Variants in PSMD12 observed in about 807,000 individuals in gnomAD.
The protein encoded by PSMD12 is 26S proteasome non-ATPase regulatory subunit 12.
Under a neutral mutation model 62.9 loss-of-function variants are expected in PSMD12, and 8 were observed. The ratio of observed to expected loss-of-function variants is 0.13; its 90% CI spans 0.07 to 0.23. PSMD12 has a LOEUF of 0.23. Among genes scored for constraint, PSMD12 ranks in the 10% least tolerant of loss-of-function variants. PSMD12 has a pLI of 1.00. For missense variants in PSMD12, 424 were observed against 550.2 expected (o/e 0.77, Z 2.29); for synonymous variants, 173 against 187.4 (o/e 0.92, Z 0.63).
Position 67,348,575 on chromosome 17 carries a change from G to A in PSMD12, c.485C>T (p.Ala162Val). ...CTGTAACTCCTGTAAAATGGAGGCT[G>A]CCTCTTTCACATCACCATTTTGTTC... is the stretch of plus-strand genomic sequence containing the variant. ...IKEQNGDVKE[A>V]ASILQELQVE... is the part of the protein sequence containing the mutation. The change falls in exon 5 of 11, where the codon GCA (alanine) becomes GTA (valine). Residue 162 changes from alanine to valine, a missense_variant. Physicochemically the swap from Ala to Val is moderately conservative, Grantham distance 64 (BLOSUM62 0). Coordinates refer to ENST00000356126, the MANE Select transcript of PSMD12 (RefSeq NM_002816.5). The A allele has an allele frequency of 6.2e-7, 1 of 1,613,628 alleles. No individual in the cohort carries two copies. The highest frequency in any genetic ancestry group is 8.5e-7 in the Non-Finnish European group (1 of 1,179,794).
chr17:67,338,406 T>C lies in PSMD12; in HGVS notation c.*2437A>G, dbSNP rs142144011. 10 of 152,354 alleles carry C rather than the reference T, an allele frequency of 6.6e-5. No individual in the cohort carries two copies. Among genetic ancestry groups the C allele is most frequent in the African/African-American group, 2.4e-4 (10 of 41,588 alleles). The allele number at this position is 152,354 out of a possible 1,614,324, so 9.4% of individuals were successfully genotyped here. On this transcript the variant is annotated 3_prime_UTR_variant, in exon 11 of 11. Coordinates refer to ENST00000356126, the MANE Select transcript of PSMD12 (RefSeq NM_002816.5). ...TTGTAATACTAAGAAAATAAATTGG[T>C]AAATACCTCATATATTTGCTGGATT...
Position 67,350,273 on chromosome 17 carries a change from T to G in PSMD12, c.361A>C (p.Lys121Gln), listed in dbSNP as rs2042005127. The stretch of plus-strand genomic sequence containing the variant: ...CGTAGAGTATCAATTAATCGAAGTT[T>G]GATAGGAAGGTCTGTGATTTCCTCA... ...YVEEITDLPI[K>Q]LRLIDTLRMV... Residue 121 changes from lysine (K) to glutamine (Q), a missense_variant, in exon 4 of 11, where the codon AAA becomes CAA. Physicochemically the swap from Lys to Gln is moderately conservative, Grantham distance 53 (BLOSUM62 1). Coordinates refer to ENST00000356126, the MANE Select transcript of PSMD12 (RefSeq NM_002816.5). 1 of 1,613,214 alleles carries G rather than the reference T, an allele frequency of 6.2e-7. No homozygotes were observed. The highest frequency in any genetic ancestry group is 1.7e-5 in the Admixed American group (1 of 59,824).
intron 4 of PSMD12, among the ~76,000 whole-genome samples, chr17:67,349,950 G>A (rs753854356): frequency 1.6e-4 from 24 of 151,968 alleles, no homozygotes; most frequent in Admixed American, 6.6e-4. Flanking sequence ...TGACCCTGTA[G>A]AATTTTTATT....
At chr17:67,360,938 T>C (rs2042122906) in intron 1 of PSMD12, among the ~76,000 whole-genome samples, 1 of 152,206 alleles carries the variant, frequency 6.6e-6, no homozygotes, top group South Asian at 2.1e-4. Context: ...AATTTTCAAA[T>C]CATCCCCCTT....
At chr17:67,346,038 T>C (rs952367904) in intron 7 of PSMD12, among the ~76,000 whole-genome samples, 181 bp from the exon 8 acceptor site, 1 of 151,772 alleles carries the variant, frequency 6.6e-6, no homozygotes, top group Non-Finnish European at 1.5e-5. Flanking sequence ...TCTCCTGAGG[T>C]CAGATCGAGG....
At chr17:67,354,683 A>G (rs1239443838) in intron 3 of PSMD12, among the ~76,000 whole-genome samples, 1 of 152,112 alleles carries the variant, frequency 6.6e-6, no homozygotes, top group Non-Finnish European at 1.5e-5. Flanking sequence ...CTGGGCACCA[A>G]AAGGCACATT....
In PSMD12 at chr17:67,338,003, A is replaced by G. The variant is rs2041874801; in HGVS notation, c.*2840T>C. On this transcript the variant is annotated 3_prime_UTR_variant, in exon 11 of 11. Coordinates refer to ENST00000356126, the MANE Select transcript of PSMD12 (RefSeq NM_002816.5). ...TATTGCTGCTATATCCAAGAGCTGAAAACAATTTAAAATATGTACTTTTAT... is the reference window on the plus strand; with the variant it reads ...TATTGCTGCTATATCCAAGAGCTGAGAACAATTTAAAATATGTACTTTTAT... The G allele has an allele frequency of 6.6e-6, 1 of 152,230 alleles. No homozygotes were observed. Among genetic ancestry groups the G allele is most frequent in the Non-Finnish European group, 1.5e-5 (1 of 68,038 alleles). 9.4% of individuals were successfully genotyped at this position (152,230 alleles called of 1,614,324 possible).
Position 67,350,346 on chromosome 17 carries a change from T to C in PSMD12, c.298-10A>G, listed in dbSNP as rs377273892. 1 of 1,561,818 alleles carries C rather than the reference T, an allele frequency of 6.4e-7. No homozygotes were observed. The highest frequency in any genetic ancestry group is 1.4e-5 in the African/African-American group (1 of 73,074). Reference sequence around the variant, plus strand: ...CCATTTTGGCAACAGCCTAAAATATTAAAAACCATTCATAAGTAAAATACA... The same window carrying C: ...CCATTTTGGCAACAGCCTAAAATATCAAAAACCATTCATAAGTAAAATACA... On this transcript the variant is annotated splice_polypyrimidine_tract_variant and intron_variant, in intron 3 of 10. Transcript: ENST00000356126.
rs758126685 is a variant in PSMD12 at position 67,338,044 on chromosome 17, C to G, written c.*2799G>C. 7.9e-5 allele frequency: 12 copies of G among 152,038 alleles called. No individual in the cohort carries two copies. The highest frequency in any genetic ancestry group is 1.2e-4 in the Non-Finnish European group (8 of 68,016). 9.4% of individuals were successfully genotyped at this position (152,038 alleles called of 1,614,324 possible). A position where few individuals can be genotyped will look rare whatever the true frequency, so the allele number is the denominator to read the frequency against. On this transcript the variant is annotated 3_prime_UTR_variant, in exon 11 of 11. Coordinates refer to ENST00000356126, the MANE Select transcript of PSMD12 (RefSeq NM_002816.5). ...GTACTTTTATCACATTTAACACTTA[C>G]AAGAGAGAAAATGGAACTGTTTGAA...
chr17:67,345,628 G>T, intron 8 of PSMD12, 117 bp downstream of exon 8: 1 of 821,076 alleles, frequency 1.2e-6, no homozygotes, highest in Non-Finnish European at 2.0e-6. Flanking sequence ...GGCAACAATA[G>T]TAAAACTCCA....
intron 1 of PSMD12, among the ~76,000 whole-genome samples, chr17:67,361,565 G>C (rs190745674): frequency 6.6e-6 from 1 of 152,128 alleles, no homozygotes; most frequent in Admixed American, 6.5e-5. Context: ...CTGGGTGAAA[G>C]AGCGAAACTC....
chr17:67,361,472 C>T (rs2042126978), intron 1 of PSMD12, among the ~76,000 whole-genome samples: 1 of 152,096 alleles, frequency 6.6e-6, no homozygotes, highest in Admixed American at 6.5e-5. Flanking sequence ...ATCCCAACTA[C>T]TTGGGAGGCT....
chr17:67,366,476 T>G lies in PSMD12; in HGVS notation c.44A>C (p.Lys15Thr). ...GSERADGRIV[K>T]MEVDYSATVD... ...CGTGGCGCTGTAGTCCACCTCCATC[T>G]TGACGATGCGCCCGTCAGCCCGCTC... The change falls in exon 1 of 11, where the codon AAG becomes ACG. Residue 15 changes from lysine to threonine, a missense_variant. Transcript: ENST00000356126. The G allele has an allele frequency of 1.9e-6, 3 of 1,611,478 alleles. No individual in the cohort carries two copies. The highest frequency in any genetic ancestry group is 1.1e-5 in the South Asian group (1 of 91,048).
chr17:67,360,059 TC>T, intron 1 of PSMD12, among the ~76,000 whole-genome samples: 1 of 152,164 alleles, frequency 6.6e-6, no homozygotes, highest in African/African-American at 2.4e-5. Context: ...GCTCCAAAGC[TC>T]TCTCCACTAG....
At chr17:67,362,870 A>C (rs1288105440) in intron 1 of PSMD12, 2 of 152,174 alleles carry the variant, frequency 1.3e-5, no homozygotes, top group African/African-American at 4.8e-5. Context: ...GTAAGATTTA[A>C]ATCAATACCT....
rs369531462 is a variant in PSMD12 at position 67,345,829 on chromosome 17, A to G, written c.824T>C (p.Ile275Thr). 1 of 1,613,600 alleles carries G rather than the reference A, an allele frequency of 6.2e-7. No individual in the cohort carries two copies. Among genetic ancestry groups the G allele is most frequent in the Non-Finnish European group, 8.5e-7 (1 of 1,179,628 alleles). The change falls in exon 8 of 11, where the codon ATC (isoleucine) becomes ACC (threonine). Residue 275 changes from isoleucine to threonine, a missense_variant. Physicochemically the swap from Ile to Thr is moderately conservative, Grantham distance 89. Coordinates refer to ENST00000356126, the MANE Select transcript of PSMD12 (RefSeq NM_002816.5). ...CTGTTCATTGTCAAAAGGAGCCAGG[A>G]TAACATAGAGTACAACACTCTTCAG... ...QALKSVVLYVILAPFDNEQSD... is the reference protein window; with the variant it reads ...QALKSVVLYVTLAPFDNEQSD...
At chr17:67,344,814 T>C (rs754571769) in intron 8 of PSMD12, 34 bp from the exon 9 acceptor site, 1 of 1,459,528 alleles carries the variant, frequency 6.9e-7, no homozygotes, top group Non-Finnish European at 9.2e-7. Context: ...ATTCCAAATC[T>C]GTAAAAATTA....
intron 3 of PSMD12, among the ~76,000 whole-genome samples, chr17:67,353,273 G>C (rs1042744991): frequency 3.3e-5 from 5 of 151,952 alleles, no homozygotes; most frequent in Non-Finnish European, 5.9e-5. Context: ...TTTAGAAAAG[G>C]TTATTTCCTT....
intron 3 of PSMD12, among the ~76,000 whole-genome samples, chr17:67,354,987 CAAAT>C (rs1053860588): frequency 5.3e-5 from 8 of 151,390 alleles, no homozygotes; most frequent in Non-Finnish European, 8.8e-5. Context: ...AAGACTGTCT[CAAAT>C]AAATAAATAC....
Sources: allele counts gnomAD v4.1 joint callset (sites outside exome capture counted in the v4.1 genomes callset), GRCh38; gene constraint gnomAD v4.1.1; transcripts MANE v1.5; gene names NCBI Gene and HGNC (gene_info 2026-07-23, HGNC 2026-07-21).